Variants in HS3ST3B1 observed in about 807,000 individuals in gnomAD.
HS3ST3B1 encodes heparan sulfate-glucosamine 3-sulfotransferase 3B1.
In HS3ST3B1, 13 loss-of-function variants were observed where a neutral mutation model predicts 21.3. The observed-to-expected ratio is 0.61, with a 90% CI of 0.40 to 0.97. HS3ST3B1 has a LOEUF of 0.97. HS3ST3B1 is among the 50% of genes least tolerant of loss of function. The pLI, the probability that HS3ST3B1 is intolerant of heterozygous loss-of-function variation, is 0.00. For synonymous variants in HS3ST3B1, 234 were observed against 254.8 expected, an observed-to-expected ratio of 0.92 and a Z score of 0.78; for missense variants, 459 against 554.8, an observed-to-expected ratio of 0.83 and a Z score of 1.73.
At chr17:14,332,810 A>G (rs1339922875) in intron 1 of HS3ST3B1, among the ~76,000 whole-genome samples, 1 of 145,456 alleles carries the variant, frequency 6.9e-6, no homozygotes, top group Non-Finnish European at 1.5e-5. Flanking sequence ...GCATCCTTTC[A>G]TAAAAGAGGA....
chr17:14,329,307 G>GAAAAAGAGAGAA (rs1567641152), intron 1 of HS3ST3B1: 6 of 107,928 alleles, frequency 5.6e-5, no homozygotes, highest in Middle Eastern at 4.9e-3. Context: ...GAAAGAAAGA[G>GAAAAAGAGAGAA]AGAAAGAGAG....
chr17:14,315,472 T>G (rs1245361969), intron 1 of HS3ST3B1, among the ~76,000 whole-genome samples: 1 of 152,216 alleles, frequency 6.6e-6, no homozygotes, highest in East Asian at 1.9e-4. Flanking sequence ...CAGGACAGTT[T>G]GTGGGGAGTC....
At chr17:14,337,286 T>G (rs1317120) in intron 1 of HS3ST3B1, among the ~76,000 whole-genome samples, 7,558 of 150,564 alleles carry the variant, frequency 0.05, 209 homozygotes, top group Middle Eastern at 0.097. Context: ...CTCAGAGGGG[T>G]GTGTGTGTGT....
At chr17:14,338,911 G>A (rs1339447466) in intron 1 of HS3ST3B1, among the ~76,000 whole-genome samples, 4 of 152,148 alleles carry the variant, frequency 2.6e-5, no homozygotes, top group Non-Finnish European at 5.9e-5. Context: ...TGACAAGCCT[G>A]CCTTGCCCTT....
Position 14,345,835 on chromosome 17 carries a change from C to G in HS3ST3B1, c.*189C>G. On this transcript the variant is annotated 3_prime_UTR_variant, in exon 2 of 2. Transcript: ENST00000360954. ...TCTGTTAACATTCCAAAGTGTTTAA[C>G]TCTAGTATTTCGTTCTCTTCTTCAC... The G allele has an allele frequency of 1.4e-6, 1 of 738,274 alleles. No individual in the cohort carries two copies. The highest frequency in any genetic ancestry group is 2.1e-6 in the Non-Finnish European group (1 of 485,492). The allele number at this position is 738,274 out of a possible 1,614,324, so 45.7% of individuals were successfully genotyped here. A position where few individuals can be genotyped will look rare whatever the true frequency, so the allele number is the denominator to read the frequency against.
chr17:14,344,411 C>G (rs993111773), intron 1 of HS3ST3B1, among the ~76,000 whole-genome samples: 2 of 152,144 alleles, frequency 1.3e-5, no homozygotes, highest in East Asian at 3.8e-4. Context: ...GGAATTTCCT[C>G]GTGGCATGTT....
chr17:14,314,040 C>G (rs1163846124), intron 1 of HS3ST3B1, among the ~76,000 whole-genome samples: 1 of 150,932 alleles, frequency 6.6e-6, no homozygotes, highest in Non-Finnish European at 1.5e-5. Context: ...AGTGCAGTGG[C>G]ACGATCTCGG....
At chr17:14,338,269 G>T (rs1400675675) in intron 1 of HS3ST3B1, among the ~76,000 whole-genome samples, 1 of 151,392 alleles carries the variant, frequency 6.6e-6, no homozygotes, top group Admixed American at 6.6e-5. Context: ...GGGACTACAG[G>T]TGCGTGCCGC....
chr17:14,338,205 A>C (rs1910248077), intron 1 of HS3ST3B1, among the ~76,000 whole-genome samples: 1 of 151,784 alleles, frequency 6.6e-6, no homozygotes, highest in African/African-American at 2.4e-5. Flanking sequence ...AGCTCACTGC[A>C]ACCTCCACCT....
At chr17:14,324,438 T>C (rs1396950987) in intron 1 of HS3ST3B1, among the ~76,000 whole-genome samples, 3 of 152,130 alleles carry the variant, frequency 2.0e-5, no homozygotes, top group East Asian at 1.9e-4. Flanking sequence ...TTTTTAGAGA[T>C]AAGGGTCTTG....
At chr17:14,334,874 C>T (rs1275628017) in intron 1 of HS3ST3B1, among the ~76,000 whole-genome samples, 1 of 152,202 alleles carries the variant, frequency 6.6e-6, no homozygotes, top group Non-Finnish European at 1.5e-5. Flanking sequence ...ACTGCACTCT[C>T]TATTCCCTTT....
In HS3ST3B1 at chr17:14,345,103, C is replaced by G. The variant is rs774934120; in HGVS notation, c.630C>G (p.Ala210=). The part of the protein sequence containing the change: ...KTPSYFVTRE[A]PARISAMSKD... ...CCAGTTACTTCGTCACGCGGGAGGC[C>G]CCTGCGCGCATCTCGGCCATGTCCA... Residue 210 remains alanine, a synonymous_variant, in exon 2 of 2, where the codon GCC becomes GCG. Transcript: ENST00000360954. 1 of 1,570,148 alleles carries G rather than the reference C, an allele frequency of 6.4e-7. No individual in the cohort carries two copies. Among genetic ancestry groups the G allele is most frequent in the African/African-American group, 1.3e-5 (1 of 74,552 alleles).
At chr17:14,309,790 G>A (rs761106259) in intron 1 of HS3ST3B1, among the ~76,000 whole-genome samples, 4 of 152,240 alleles carry the variant, frequency 2.6e-5, no homozygotes, top group Admixed American at 1.3e-4. Flanking sequence ...GAGTCCTGCA[G>A]GGAGACCGTC....
At chr17:14,312,479 T>C (rs1354932989) in intron 1 of HS3ST3B1, among the ~76,000 whole-genome samples, 1 of 152,166 alleles carries the variant, frequency 6.6e-6, no homozygotes, top group Non-Finnish European at 1.5e-5. Flanking sequence ...TATTTTTTCA[T>C]CCTTTTTTCT....
chr17:14,328,450 A>G (rs1028414618), intron 1 of HS3ST3B1: 3 of 152,184 alleles, frequency 2.0e-5, no homozygotes, highest in Non-Finnish European at 4.4e-5. Flanking sequence ...ATTCCAATAA[A>G]TCCACAAAAA....
intron 1 of HS3ST3B1, among the ~76,000 whole-genome samples, chr17:14,338,199 C>T (rs1910247736): frequency 6.6e-6 from 1 of 151,808 alleles, no homozygotes; most frequent in Admixed American, 6.6e-5. Flanking sequence ...AATCTCAGCT[C>T]ACTGCAACCT....
intron 1 of HS3ST3B1, among the ~76,000 whole-genome samples, chr17:14,321,485 A>T (rs1388791851): frequency 1.3e-5 from 2 of 152,148 alleles, no homozygotes; most frequent in Non-Finnish European, 2.9e-5. Flanking sequence ...CACTTCGTTT[A>T]TTTAAAGGGA....
Position 14,346,902 on chromosome 17 carries a change from C to T in HS3ST3B1, c.*1256C>T, listed in dbSNP as rs574687008. ...GGTCAGCTGTGTCCCTCGGCATCAG[C>T]GTCTACCAAGGTGCTGCTAGGTACA... On this transcript the variant is annotated 3_prime_UTR_variant, in exon 2 of 2. Transcript: ENST00000360954. 8.5e-5 allele frequency: 13 copies of T among 152,312 alleles called. No homozygotes were observed. The highest frequency in any genetic ancestry group is 5.8e-4 in the East Asian group (3 of 5,168). 9.4% of individuals were successfully genotyped at this position (152,312 alleles called of 1,614,324 possible).
intron 1 of HS3ST3B1, among the ~76,000 whole-genome samples, chr17:14,331,068 T>C (rs1324114412): frequency 6.6e-6 from 1 of 152,214 alleles, no homozygotes; most frequent in Non-Finnish European, 1.5e-5. Flanking sequence ...TTTTACTTTC[T>C]AAAAAGTCCG....
Sources: allele counts gnomAD v4.1 joint callset (sites outside exome capture counted in the v4.1 genomes callset), GRCh38; gene constraint gnomAD v4.1.1; transcripts MANE v1.5; gene names NCBI Gene and HGNC (gene_info 2026-07-23, HGNC 2026-07-21).